Variants in CDKAL1 observed in about 807,000 individuals in gnomAD.
The protein encoded by CDKAL1 is CDKAL1 threonylcarbamoyladenosine tRNA methylthiotransferase, also known as threonylcarbamoyladenosine tRNA methylthiotransferase.
Under a neutral mutation model 68.2 loss-of-function variants are expected in CDKAL1, and 32 were observed. The ratio of observed to expected loss-of-function variants is 0.47; its 90% CI spans 0.35 to 0.63. The LOEUF (loss-of-function observed/expected upper bound fraction) is 0.63. Ranked by LOEUF, CDKAL1 falls within the 30% of genes least tolerant of loss-of-function variation. The probability of loss-of-function intolerance (pLI) is 0.00; values close to 1 mark genes in which losing one functional copy is unlikely to be tolerated. For synonymous variants in CDKAL1, 234 were observed against 244.3 expected, an observed-to-expected ratio of 0.96 and a Z score of 0.39; for missense variants, 606 against 696.7, an observed-to-expected ratio of 0.87 and a Z score of 1.47.
intron 10 of CDKAL1, among the ~76,000 whole-genome samples, chr6:20,961,771 A>T (rs1418732301): frequency 2.0e-5 from 3 of 150,314 alleles, no homozygotes; most frequent in South Asian, 2.1e-4. Flanking sequence ...CGTCTCAAAA[A>T]AAAAAAAGAA....
chr6:21,016,776 C>G (rs1007471764), intron 11 of CDKAL1, among the ~76,000 whole-genome samples: 8 of 152,094 alleles, frequency 5.3e-5, no homozygotes, highest in Admixed American at 3.3e-4. Context: ...GCACCAGGTC[C>G]CCTCAGTGTG....
intron 12 of CDKAL1, among the ~76,000 whole-genome samples, chr6:21,082,801 A>T (rs1483250280): frequency 6.6e-6 from 1 of 151,596 alleles, no homozygotes; most frequent in Non-Finnish European, 1.5e-5. Context: ...TCTTGGAATA[A>T]TTGCATATAT....
intron 4 of CDKAL1, among the ~76,000 whole-genome samples, chr6:20,578,391 T>G (rs528117525): frequency 8.4e-4 from 128 of 152,294 alleles, no homozygotes; most frequent in African/African-American, 3.0e-3. Context: ...TGATTCTGAT[T>G]TCACTTGTTC....
intron 5 of CDKAL1, among the ~76,000 whole-genome samples, chr6:20,710,414 T>C (rs960470706): frequency 6.6e-6 from 1 of 152,158 alleles, no homozygotes; most frequent in Non-Finnish European, 1.5e-5. Flanking sequence ...CTAGGAGCAA[T>C]AGGCTACACT....
chr6:21,221,424 C>T (rs1467537444), intron 15 of CDKAL1, among the ~76,000 whole-genome samples: 1 of 152,004 alleles, frequency 6.6e-6, no homozygotes, highest in Non-Finnish European at 1.5e-5. Context: ...GAGGGGGTTT[C>T]GCCATGTTGC....
intron 11 of CDKAL1, among the ~76,000 whole-genome samples, chr6:21,043,621 C>T (rs9348455): frequency 0.026 from 4,025 of 152,294 alleles, 225 homozygotes; most frequent in East Asian, 0.23. Context: ...GAAAGTTATT[C>T]ATCATCCCTA....
intron 9 of CDKAL1, among the ~76,000 whole-genome samples, chr6:20,857,943 T>A (rs988500415): frequency 3.3e-5 from 5 of 152,188 alleles, no homozygotes; most frequent in African/African-American, 1.2e-4. Context: ...CACTGCAACC[T>A]CTTCCTCCCG....
intron 8 of CDKAL1, among the ~76,000 whole-genome samples, chr6:20,819,906 A>G (rs1298701198): frequency 6.6e-6 from 1 of 152,210 alleles, no homozygotes; most frequent in Non-Finnish European, 1.5e-5. Context: ...GAAGCTTCAC[A>G]GAGCAGTGCC....
intron 4 of CDKAL1, among the ~76,000 whole-genome samples, chr6:20,563,831 G>A (rs1343787680): frequency 1.3e-5 from 2 of 151,996 alleles, no homozygotes; most frequent in African/African-American, 2.4e-5. Context: ...GCAATCAAAC[G>A]ATTTTTACAG....
intron 9 of CDKAL1, among the ~76,000 whole-genome samples, chr6:20,919,451 A>G (rs563295802): frequency 5.9e-5 from 9 of 152,294 alleles, no homozygotes; most frequent in South Asian, 4.2e-4. Flanking sequence ...TTACATAGGT[A>G]TACATGTGCC....
intron 12 of CDKAL1, among the ~76,000 whole-genome samples, chr6:21,091,693 A>G (rs538428652): frequency 2.3e-4 from 35 of 152,220 alleles, no homozygotes; most frequent in African/African-American, 8.2e-4. Flanking sequence ...TTCATTTAGC[A>G]GCTAGAATGC....
intron 15 of CDKAL1, among the ~76,000 whole-genome samples, chr6:21,212,955 A>G (rs1779212180): frequency 6.6e-6 from 1 of 152,142 alleles, no homozygotes; most frequent in Admixed American, 6.5e-5. Context: ...AAATTTGCCA[A>G]CCCCTGAGAA....
At chr6:20,668,368 T>A (rs1218842167) in intron 5 of CDKAL1, among the ~76,000 whole-genome samples, 1 of 152,164 alleles carries the variant, frequency 6.6e-6, no homozygotes, top group Non-Finnish European at 1.5e-5. Flanking sequence ...TTGCCCAAGC[T>A]GGAGTGGAGT....
intron 12 of CDKAL1, among the ~76,000 whole-genome samples, chr6:21,082,250 GGATAA>G (rs1772445524): frequency 6.8e-6 from 1 of 146,708 alleles, no homozygotes; most frequent in African/African-American, 2.5e-5. Context: ...AGAGAAGTGT[GGATAA>G]GATAAGAAGT....
At chr6:21,099,758 T>G (rs1773489747) in intron 12 of CDKAL1, among the ~76,000 whole-genome samples, 1 of 152,256 alleles carries the variant, frequency 6.6e-6, no homozygotes, top group Admixed American at 6.5e-5. Context: ...GTGGTGTACT[T>G]AGTGCCCTTT....
intron 4 of CDKAL1, among the ~76,000 whole-genome samples, chr6:20,573,208 G>A (rs952777019): frequency 6.6e-6 from 1 of 152,034 alleles, no homozygotes; most frequent in Non-Finnish European, 1.5e-5. Flanking sequence ...TTTCCATTGT[G>A]GATTTCAATG....
chr6:21,015,760 CTACTAAAAATACAAAAA>C (rs1561963647), intron 11 of CDKAL1, among the ~76,000 whole-genome samples: 1 of 151,976 alleles, frequency 6.6e-6, no homozygotes, highest in Non-Finnish European at 1.5e-5. Flanking sequence ...AACCACATCT[CTACTAAAAATACAAAAA>C]TTAGCCAGGC....
intron 11 of CDKAL1, among the ~76,000 whole-genome samples, chr6:21,020,923 T>C (rs1243746985): frequency 2.0e-5 from 3 of 151,970 alleles, no homozygotes; most frequent in African/African-American, 7.3e-5. Context: ...CTGACACAGG[T>C]ACTATTATGT....
chr6:20,619,534 A>G (rs1475054196), intron 4 of CDKAL1, among the ~76,000 whole-genome samples: 1 of 152,208 alleles, frequency 6.6e-6, no homozygotes, highest in African/African-American at 2.4e-5. Context: ...TTTTTGCCAA[A>G]TAGCCCTAAT....
Sources: gnomAD v4.1 joint callset for allele counts (sites outside exome capture counted in the v4.1 genomes callset) on GRCh38, gnomAD v4.1.1 for gene constraint, MANE v1.5 for transcripts, NCBI Gene and HGNC (gene_info 2026-07-23, HGNC 2026-07-21) for gene names.